The following CPEB2 variants were observed in gnomAD, a reference collection of about 807,000 sequenced individuals.
CPEB2 encodes the protein cytoplasmic polyadenylation element-binding protein 2.
A neutral mutation model predicts 93.6 loss-of-function variants in CPEB2; 56 were observed. That is an observed-to-expected ratio of 0.60 (90% CI 0.48 to 0.75). The LOEUF (loss-of-function observed/expected upper bound fraction) is 0.75. CPEB2 is among the 30% of genes least tolerant of loss of function. CPEB2 has a pLI of 0.00. For missense variants in CPEB2, 1,579 were observed against 1,395.1 expected, an observed-to-expected ratio of 1.13 and a Z score of -2.10; for synonymous variants, 764 against 586.3, an observed-to-expected ratio of 1.30 and a Z score of -4.38.
chr4:15,052,009 A>G (rs1218778513), intron 6 of CPEB2, among the ~76,000 whole-genome samples: 16 of 152,136 alleles, frequency 1.1e-4, no homozygotes, highest in African/African-American at 3.6e-4. Flanking sequence ...TCTACAAGTG[A>G]TTTTTTATAA....
chr4:15,013,065 G>A (rs1309103372), intron 3 of CPEB2, among the ~76,000 whole-genome samples: 1 of 151,686 alleles, frequency 6.6e-6, no homozygotes, highest in Non-Finnish European at 1.5e-5. Context: ...CTTTTCTTAG[G>A]TTATCTTTTT....
intron 6 of CPEB2, among the ~76,000 whole-genome samples, chr4:15,046,878 A>G (rs1727755816): frequency 6.6e-6 from 1 of 152,222 alleles, no homozygotes; most frequent in African/African-American, 2.4e-5. Context: ...CCAAGAAATT[A>G]TCACTACCCA....
chr4:15,016,799 T>C (rs1348553272), intron 3 of CPEB2, among the ~76,000 whole-genome samples: 2 of 151,988 alleles, frequency 1.3e-5, no homozygotes, highest in African/African-American at 4.8e-5. Context: ...AATATTTATT[T>C]TCTATGTGCC....
At chr4:15,060,296 G>A (rs1008899353) in intron 10 of CPEB2, among the ~76,000 whole-genome samples, 2 of 152,170 alleles carry the variant, frequency 1.3e-5, no homozygotes, top group Non-Finnish European at 2.9e-5. Flanking sequence ...CAGAGCAAGG[G>A]TAAACCATTG....
chr4:15,022,600 G>A (rs959634733), intron 4 of CPEB2, among the ~76,000 whole-genome samples: 4 of 151,614 alleles, frequency 2.6e-5, no homozygotes, highest in African/African-American at 9.7e-5. Flanking sequence ...TTGATTTTTC[G>A]TTTCTTCATT....
At chr4:15,027,352 A>G (rs1438487986) in intron 4 of CPEB2, among the ~76,000 whole-genome samples, 1 of 152,176 alleles carries the variant, frequency 6.6e-6, no homozygotes, top group African/African-American at 2.4e-5. Flanking sequence ...CTTTTATTAG[A>G]TGTAGGTAAG....
At chr4:15,030,496 C>T (rs960406760) in intron 4 of CPEB2, among the ~76,000 whole-genome samples, 42 of 152,086 alleles carry the variant, frequency 2.8e-4, no homozygotes, top group Non-Finnish European at 5.1e-4. Context: ...CATAGAAAAG[C>T]TCCTGGCTCA....
At chr4:15,045,271 A>G (rs1415761782) in intron 6 of CPEB2, among the ~76,000 whole-genome samples, 1 of 152,094 alleles carries the variant, frequency 6.6e-6, no homozygotes, top group African/African-American at 2.4e-5. Flanking sequence ...CTAAATTCTC[A>G]GATGTTTTAT....
At chr4:15,031,336 C>G (rs902246393) in intron 4 of CPEB2, among the ~76,000 whole-genome samples, 1 of 151,698 alleles carries the variant, frequency 6.6e-6, no homozygotes, top group Admixed American at 6.6e-5. Context: ...TTAAACTGTT[C>G]TCCAAATTTG....
Position 15,002,818 on chromosome 4 carries a change from T to C in CPEB2, c.145T>C (p.Ser49Pro). ...LPSATPFGPL[S>P]PPPLPVTGFL... Reference sequence around the variant, plus strand: ...CTCCGCCACGCCCTTCGGCCCACTGTCGCCACCACCGTTGCCTGTCACCGG... The same window carrying C: ...CTCCGCCACGCCCTTCGGCCCACTGCCGCCACCACCGTTGCCTGTCACCGG... Residue 49 changes from serine to proline, a missense_variant, in exon 1 of 12, where the codon TCG (serine) becomes CCG (proline). This residue lies in a region of CPEB2 where 1,411 missense variants were observed against 1,056.0 expected (regional missense o/e 1.34). Transcript: ENST00000538197. The C allele has an allele frequency of 2.0e-6, 3 of 1,535,096 alleles. No homozygotes were observed. Among genetic ancestry groups the C allele is most frequent in the Non-Finnish European group, 2.6e-6 (3 of 1,146,546 alleles).
At position 15,056,077 on chromosome 4, in the gene CPEB2, C is replaced by T. The variant is rs114702697; in HGVS notation, c.2461+1860C>T. On this transcript the variant is annotated intron_variant, in intron 8 of 11. Transcript: ENST00000538197. ...TTATTTTATTAATGTCAGTTTCTTT[C>T]AATGGTCTGTAAAATAGTGTCTTTA... Among the ~76,000 whole-genome samples the T allele has an allele frequency of 9.9e-3, 1,503 of 152,234 alleles. 20 individuals are homozygous for T. The highest frequency in any genetic ancestry group is 0.035 in the African/African-American group (1,438 of 41,526).
At chr4:15,016,057 C>T (rs112370465) in intron 3 of CPEB2, among the ~76,000 whole-genome samples, 237 of 152,116 alleles carry the variant, frequency 1.6e-3, no homozygotes, top group African/African-American at 5.5e-3. Flanking sequence ...CTTCTGGTCT[C>T]TCTTGAAGCT....
Position 15,014,707 on chromosome 4 carries a change from TAAA to T in CPEB2, c.2035-2480_2035-2478del, listed in dbSNP as rs1052422824. On this transcript the variant is annotated intron_variant, in intron 3 of 11. Coordinates refer to ENST00000538197, the MANE Select transcript of CPEB2 (RefSeq NM_001177382.2). ...TTTTATTGAGTTTTTATGGTAGAGA[TAAA>T]GAAGTATTCATTCAACAGACATGAG... 1.4e-4 allele frequency among the ~76,000 whole-genome samples: 22 copies of T among 152,162 alleles called. 1 individual carries two copies. Among genetic ancestry groups the T allele is most frequent in the Admixed American group, 7.9e-4 (12 of 15,262 alleles).
At chr4:15,017,705 G>C (rs1032919309) in intron 4 of CPEB2, 2 of 151,830 alleles carry the variant, frequency 1.3e-5, no homozygotes, top group Non-Finnish European at 1.5e-5. Context: ...ATAGGGTTTT[G>C]AAAGGGGGGG....
chr4:15,054,879 TA>T (rs550442338), intron 8 of CPEB2, among the ~76,000 whole-genome samples: 65 of 151,508 alleles, frequency 4.3e-4, no homozygotes, highest in African/African-American at 1.4e-3. Context: ...CTGAAATGAA[TA>T]AAAAAAAGAG....
Position 15,062,243 on chromosome 4 carries a change from G to T in CPEB2, c.2860G>T (p.Gly954Cys). Residue 954 changes from glycine to cysteine, a missense_variant, in exon 11 of 12, where the codon GGT (glycine) becomes TGT (cysteine). Gly to Cys is a radical substitution (Grantham distance 159). This residue lies in a region of CPEB2 where 168 missense variants were observed against 339.1 expected (regional missense o/e 0.50). Transcript: ENST00000538197. ...TGCTCGGTTTGTTCAGCTTCAGCAT[G>T]GTGATATTGATAAACGTGTAAGTTG... ...ISARFVQLQH[G>C]DIDKRVEVKP... The T allele has an allele frequency of 3.1e-6, 5 of 1,609,598 alleles. No individual in the cohort carries two copies. The highest frequency in any genetic ancestry group is 4.2e-6 in the Non-Finnish European group (5 of 1,177,202).
At chr4:15,009,452 C>T (rs552824799) in intron 3 of CPEB2, among the ~76,000 whole-genome samples, 9 of 152,266 alleles carry the variant, frequency 5.9e-5, no homozygotes, top group Admixed American at 3.9e-4. Context: ...CAATTTGCAA[C>T]GTATTGTCTT....
intron 4 of CPEB2, 39 bp downstream of exon 4, chr4:15,017,317 C>T: frequency 9.6e-7 from 1 of 1,045,744 alleles, no homozygotes; most frequent in South Asian, 1.4e-5. Flanking sequence ...TTATATTATA[C>T]ACCAATTTGC....
rs1279232487 is a variant in CPEB2 at position 15,007,479 on chromosome 4, G to C, written c.1837G>C (p.Ala613Pro). 6.2e-7 allele frequency: 1 copy of C among 1,613,918 alleles called. No individual in the cohort carries two copies. Among genetic ancestry groups the C allele is most frequent in the Non-Finnish European group, 8.5e-7 (1 of 1,179,978 alleles). ...LKKPFSGNVI[A>P]PPKFTRSTPS... ...GAAACCGTTTTCTGGTAATGTCATA[G>C]CACCACCGAAATTTACTCGCTCAAC... Residue 613 changes from alanine to proline, a missense_variant, in exon 2 of 12, where the codon GCA (alanine) becomes CCA (proline). By Grantham distance (27) the Ala-to-Pro change is conservative. Around this residue, in one of 2 missense-constraint regions of CPEB2, gnomAD observed 1,411 missense variants for 1,056.0 expected, o/e 1.34. Coordinates refer to ENST00000538197, the MANE Select transcript of CPEB2 (RefSeq NM_001177382.2).
Sources: allele counts gnomAD v4.1 joint callset (sites outside exome capture counted in the v4.1 genomes callset), GRCh38; gene constraint gnomAD v4.1.1; regional missense constraint gnomAD v4.1.1; transcripts MANE v1.5; gene names NCBI Gene and HGNC (gene_info 2026-07-23, HGNC 2026-07-21).